POLA2: variants seen among roughly 807,000 people sequenced by gnomAD.
POLA2 encodes the protein DNA polymerase alpha 2, accessory subunit, also known as DNA polymerase alpha subunit B.
A neutral mutation model predicts 82.8 loss-of-function variants in POLA2; 47 were observed. The observed-to-expected ratio is 0.57, with a 90% CI of 0.45 to 0.72. POLA2 has a LOEUF of 0.72. POLA2 is among the 30% of genes least tolerant of loss of function. The pLI is 0.00. For synonymous variants in POLA2, 287 were observed against 286.8 expected, an observed-to-expected ratio of 1.00 and a Z score of -0.01; for missense variants, 634 against 728.1, an observed-to-expected ratio of 0.87 and a Z score of 1.49.
chr11:65,280,033 T>C (rs539403376), intron 7 of POLA2: 3 of 168,370 alleles, frequency 1.8e-5, no homozygotes, highest in Non-Finnish European at 2.5e-5. Flanking sequence ...TCTCTTGTTA[T>C]AGACAAACTG....
At chr11:65,293,374 C>G (rs1490509838) in intron 13 of POLA2, among the ~76,000 whole-genome samples, 1 of 152,000 alleles carries the variant, frequency 6.6e-6, no homozygotes, top group Admixed American at 6.6e-5. Context: ...CTTTGGGAGG[C>G]CAAGGTCGGT....
intron 10 of POLA2, among the ~76,000 whole-genome samples, chr11:65,285,679 G>A (rs1590904510): frequency 6.6e-6 from 1 of 152,244 alleles, no homozygotes; most frequent in East Asian, 1.9e-4. Flanking sequence ...AATCAACCTG[G>A]CTGAGATACC....
chr11:65,296,180 T>C (rs1949809248), intron 17 of POLA2, 190 bp downstream of exon 17: 2 of 627,316 alleles, frequency 3.2e-6, no homozygotes, highest in South Asian at 1.8e-5. Context: ...AGTAAAATGC[T>C]TGAGTAAACA....
downstream of POLA2, among the ~76,000 whole-genome samples, chr11:65,301,870 C>T (rs1339667216): frequency 6.6e-6 from 1 of 152,194 alleles, no homozygotes; most frequent in African/African-American, 2.4e-5. Context: ...AGTCCCCAAG[C>T]GACCATGCCT....
chr11:65,288,624 C>G (rs902931587), intron 11 of POLA2, among the ~76,000 whole-genome samples: 4 of 151,642 alleles, frequency 2.6e-5, no homozygotes, highest in Non-Finnish European at 5.9e-5. Context: ...TGAGCCTCCC[C>G]TATCCTCCCT....
intron 12 of POLA2, 138 bp downstream of exon 12, chr11:65,289,226 G>A (rs1590906914): frequency 1.5e-6 from 1 of 657,728 alleles, no homozygotes; most frequent in African/African-American, 1.8e-5. Flanking sequence ...TTTTAGCAGA[G>A]CACTTTATTA....
At chr11:65,288,759 A>G (rs1307368681) in intron 11 of POLA2, among the ~76,000 whole-genome samples, 4 of 152,104 alleles carry the variant, frequency 2.6e-5, no homozygotes, top group Admixed American at 2.0e-4. Flanking sequence ...GGCTCAGGCA[A>G]TCTGCCCACC....
At chr11:65,294,289 G>A in intron 14 of POLA2, 28 bp downstream of exon 14, 1 of 1,568,270 alleles carries the variant, frequency 6.4e-7, no homozygotes. Flanking sequence ...TTGACCAGCA[G>A]GCAGCCAGAA....
intron 13 of POLA2, among the ~76,000 whole-genome samples, chr11:65,293,555 G>C (rs1382160610): frequency 6.7e-6 from 1 of 148,682 alleles, no homozygotes; most frequent in East Asian, 2.0e-4. Flanking sequence ...GTTGCAGTGA[G>C]CCCACATCAT....
rs547474910 is a variant in POLA2 at position 65,263,220 on chromosome 11, CTTTTTTT to C, written c.79+864_79+870del. 3.1e-3 allele frequency among the ~76,000 whole-genome samples: 388 copies of C among 123,198 alleles called. 1 individual carries two copies. The highest frequency in any genetic ancestry group is 4.9e-3 in the Non-Finnish European group (296 of 60,364). 80.8% of individuals were successfully genotyped at this position (123,198 alleles called of 152,430 possible). A position where few individuals can be genotyped will look rare whatever the true frequency, so the allele number is the denominator to read the frequency against. ...CATGCCCAGTGCCTTCTCTCTCTCT[CTTTTTTT>C]TTTTTTTTTTTTTTGACAGTCTTGT... On this transcript the variant is annotated intron_variant, in intron 1 of 17. Transcript: ENST00000265465.
chr11:65,293,440 T>G (rs985593693), intron 13 of POLA2, among the ~76,000 whole-genome samples: 6 of 152,006 alleles, frequency 3.9e-5, no homozygotes, highest in African/African-American at 1.5e-4. Context: ...TGAAACCCTA[T>G]CTGTACTAAA....
chr11:65,272,310 A>G (rs1949529685), intron 4 of POLA2, among the ~76,000 whole-genome samples: 1 of 152,056 alleles, frequency 6.6e-6, no homozygotes, highest in Admixed American at 6.6e-5. Context: ...CTCCATCTCA[A>G]AAAAAAAGAA....
chr11:65,268,625 A>G, intron 3 of POLA2, 47 bp from the exon 4 acceptor site: 2 of 1,242,662 alleles, frequency 1.6e-6, no homozygotes, highest in Non-Finnish European at 2.3e-6. Context: ...TACAGGCATG[A>G]GCTACCGTGC....
At chr11:65,287,679 G>A (rs757750606) in intron 10 of POLA2, 37 bp from the exon 11 acceptor site, 1 of 1,585,964 alleles carries the variant, frequency 6.3e-7, no homozygotes, top group African/African-American at 1.3e-5. Flanking sequence ...TCTAATACTA[G>A]TCCTCTTCTA....
intron 1 of POLA2, among the ~76,000 whole-genome samples, chr11:65,262,662 C>T (rs1240588326): frequency 6.6e-6 from 1 of 152,202 alleles, no homozygotes; most frequent in African/African-American, 2.4e-5. Context: ...TAGATAGAGA[C>T]TAGGCACTGG....
chr11:65,285,320 G>A (rs187306363), intron 10 of POLA2, among the ~76,000 whole-genome samples: 94 of 152,070 alleles, frequency 6.2e-4, no homozygotes, highest in African/African-American at 2.2e-3. Context: ...CAGGAGAATC[G>A]CTTGAACCTG....
At chr11:65,286,189 A>C (rs1949695502) in intron 10 of POLA2, among the ~76,000 whole-genome samples, 1 of 152,118 alleles carries the variant, frequency 6.6e-6, no homozygotes. Context: ...CCTAAAGAAA[A>C]ATTTTATTTC....
Position 65,262,177 on chromosome 11 carries a change from C to T in POLA2, c.-116C>T. ...GGGCCAGTCACCTCCTGTCACGGTC[C>T]GCGGAGGGGGGAAGGATAAGAGGGC... On this transcript the variant is annotated 5_prime_UTR_variant, in exon 1 of 18. Transcript: ENST00000265465. 2.6e-6 allele frequency: 2 copies of T among 757,558 alleles called. No homozygotes were observed. Among genetic ancestry groups the T allele is most frequent in the South Asian group, 1.5e-5 (1 of 65,982 alleles). The allele number at this position is 757,558 out of a possible 1,614,324, so 46.9% of individuals were successfully genotyped here. A position where few individuals can be genotyped will look rare whatever the true frequency, so the allele number is the denominator to read the frequency against.
At chr11:65,268,266 C>CAAT (rs1199386018) in intron 3 of POLA2, among the ~76,000 whole-genome samples, 1 of 151,762 alleles carries the variant, frequency 6.6e-6, no homozygotes, top group South Asian at 2.1e-4. Flanking sequence ...AACCCCATCT[C>CAAT]AATAATAATA....
Sources: allele counts gnomAD v4.1 joint callset (sites outside exome capture counted in the v4.1 genomes callset), GRCh38; gene constraint gnomAD v4.1.1; transcripts MANE v1.5; gene names NCBI Gene and HGNC (gene_info 2026-07-23, HGNC 2026-07-21).